Variants in ACCSL observed in about 807,000 individuals in gnomAD.
The protein encoded by ACCSL is probable inactive 1-aminocyclopropane-1-carboxylate synthase-like protein 2.
ACCSL carries 55 observed loss-of-function variants against 61.7 expected under a neutral mutation model. The observed-to-expected ratio is 0.89, with a 90% CI of 0.72 to 1.12. ACCSL has a LOEUF of 1.12. ACCSL is among the 50% of genes most tolerant of loss of function. ACCSL has a pLI of 0.00. For missense variants in ACCSL, 632 were observed against 698.0 expected (o/e 0.91, Z 1.07); for synonymous variants, 258 against 264.3 (o/e 0.98, Z 0.23).
At chr11:43,922,668 C>G in the ACCSL span, among the ~76,000 whole-genome samples, 6 of 152,204 alleles carry the variant, frequency 3.9e-5, no homozygotes, top group African/African-American at 1.4e-4. Flanking sequence ...GCAAGTGTTT[C>G]CTGACCATAT....
chr11:44,031,758 G>C, the ACCSL span, among the ~76,000 whole-genome samples: 1 of 152,226 alleles, frequency 6.6e-6, no homozygotes, highest in Non-Finnish European at 1.5e-5. Flanking sequence ...CCTAGGAAGA[G>C]GCTTGTGCTA....
chr11:43,980,357 G>A, the ACCSL span, among the ~76,000 whole-genome samples: 1 of 152,188 alleles, frequency 6.6e-6, no homozygotes, highest in East Asian at 1.9e-4. Context: ...ACATTGTTCT[G>A]TAGAAACATT....
At chr11:43,975,675 C>A in the ACCSL span, among the ~76,000 whole-genome samples, 1 of 151,876 alleles carries the variant, frequency 6.6e-6, no homozygotes, top group Non-Finnish European at 1.5e-5. Context: ...ATTATATCAG[C>A]AAAAACATCA....
the ACCSL span, among the ~76,000 whole-genome samples, chr11:43,937,501 C>T: frequency 2.9e-4 from 44 of 152,332 alleles, 1 homozygote; most frequent in South Asian, 8.3e-3. Context: ...AGACTCCCTT[C>T]GAGTGGTCTC....
chr11:44,005,719 G>A, the ACCSL span, among the ~76,000 whole-genome samples: 8 of 151,928 alleles, frequency 5.3e-5, no homozygotes, highest in East Asian at 1.9e-4. Context: ...CTCCTCCCCC[G>A]CCCTCTACCC....
At chr11:43,997,413 T>C in the ACCSL span, among the ~76,000 whole-genome samples, 4 of 152,276 alleles carry the variant, frequency 2.6e-5, no homozygotes, top group Admixed American at 2.0e-4. Flanking sequence ...GGTTAATTCT[T>C]AGTTTTTCCC....
At chr11:44,003,604 C>T in the ACCSL span, among the ~76,000 whole-genome samples, 1 of 150,356 alleles carries the variant, frequency 6.7e-6, no homozygotes, top group South Asian at 2.1e-4. Flanking sequence ...GATCGCGCCA[C>T]TACACTCCAG....
the ACCSL span, among the ~76,000 whole-genome samples, chr11:43,962,764 G>C: frequency 6.6e-6 from 1 of 152,230 alleles, no homozygotes; most frequent in Admixed American, 6.6e-5. Flanking sequence ...GAAATGACTG[G>C]AAGCAAATAG....
chr11:43,921,300 G>A, the ACCSL span: 1 of 152,168 alleles, frequency 6.6e-6, no homozygotes, highest in African/African-American at 2.4e-5. Context: ...CACCATGCCT[G>A]GCCAGGCTGT....
At chr11:44,039,702 C>T in the ACCSL span, among the ~76,000 whole-genome samples, 1 of 152,234 alleles carries the variant, frequency 6.6e-6, no homozygotes, top group Admixed American at 6.5e-5. Context: ...TATACACCTA[C>T]TGAATTGGAA....
At chr11:43,978,783 GTTTTTTTTTTTTTTTTT>G in the ACCSL span, among the ~76,000 whole-genome samples, 2 of 79,084 alleles carry the variant, frequency 2.5e-5, no homozygotes, top group South Asian at 5.3e-4. Flanking sequence ...GAGAAGGTGG[GTTTTTTTTTTTTTTTTT>G]TTTTTTTTTT....
chr11:44,026,131 T>G, the ACCSL span, among the ~76,000 whole-genome samples: 2 of 152,218 alleles, frequency 1.3e-5, no homozygotes, highest in Non-Finnish European at 2.9e-5. Flanking sequence ...TCTTTCTACC[T>G]CCTTGTCTGT....
chr11:44,014,138 A>G, the ACCSL span, among the ~76,000 whole-genome samples: 3 of 152,226 alleles, frequency 2.0e-5, no homozygotes, highest in Non-Finnish European at 2.9e-5. Flanking sequence ...GCTGTGAAAC[A>G]TATATCCCCA....
intron 1 of ACCSL, among the ~76,000 whole-genome samples, chr11:44,049,419 C>CAAAAAA (rs33944147): frequency 2.9e-5 from 1 of 33,914 alleles, no homozygotes; most frequent in Non-Finnish European, 5.3e-5. Context: ...GACCCTGTCT[C>CAAAAAA]AAAAAAAAAA....
the ACCSL span, among the ~76,000 whole-genome samples, chr11:43,987,059 T>A: frequency 4.6e-5 from 7 of 152,294 alleles, no homozygotes; most frequent in African/African-American, 1.7e-4. Flanking sequence ...GGACCCTGGC[T>A]GCTCTCCCCA....
chr11:44,028,191 A>G, the ACCSL span, among the ~76,000 whole-genome samples: 5 of 152,012 alleles, frequency 3.3e-5, no homozygotes, highest in South Asian at 8.3e-4. Context: ...TCCATCTAAA[A>G]TCAGTTATTA....
chr11:43,948,342 CAACACTCT>C, the ACCSL span, among the ~76,000 whole-genome samples: 1 of 152,182 alleles, frequency 6.6e-6, no homozygotes, highest in East Asian at 1.9e-4. Context: ...CACCTCCGAT[CAACACTCT>C]ACTTTCATCC....
At chr11:43,957,099 G>A in the ACCSL span, among the ~76,000 whole-genome samples, 65 of 152,292 alleles carry the variant, frequency 4.3e-4, 2 homozygotes, top group South Asian at 0.013. Context: ...AGGTCTTGAT[G>A]AATTTAGAGG....
the ACCSL span, among the ~76,000 whole-genome samples, chr11:44,007,064 T>G: frequency 6.6e-6 from 1 of 152,038 alleles, no homozygotes; most frequent in African/African-American, 2.4e-5. Context: ...AAAATAGAGA[T>G]AAAGCTGACT....
Sources: gnomAD v4.1 joint callset for allele counts (sites outside exome capture counted in the v4.1 genomes callset) on GRCh38, gnomAD v4.1.1 for gene constraint, MANE v1.5 for transcripts, NCBI Gene and HGNC (gene_info 2026-07-23, HGNC 2026-07-21) for gene names.